FUT9: variants seen among roughly 807,000 people sequenced by gnomAD.
The protein encoded by FUT9 is fucosyltransferase 9, also known as 4-galactosyl-N-acetylglucosaminide 3-alpha-L-fucosyltransferase 9.
A neutral mutation model predicts 29.7 loss-of-function variants in FUT9; 15 were observed. The observed-to-expected ratio is 0.51, with a 90% CI of 0.34 to 0.78. The LOEUF (loss-of-function observed/expected upper bound fraction) is 0.78, where lower values mean the gene tolerates loss of function less well. Ranked by LOEUF, FUT9 falls within the 30% of genes least tolerant of loss-of-function variation. The pLI is 0.01. For synonymous variants in FUT9, 169 were observed against 153.7 expected, an observed-to-expected ratio of 1.10 and a Z score of -0.74; for missense variants, 319 against 425.4, an observed-to-expected ratio of 0.75 and a Z score of 2.20.
intron 1 of FUT9, among the ~76,000 whole-genome samples, chr6:96,031,573 G>A (rs1039369546): frequency 3.3e-5 from 5 of 151,364 alleles, no homozygotes; most frequent in African/African-American, 1.2e-4. Flanking sequence ...CCCACAACTG[G>A]ACAGTAATTA....
intron 2 of FUT9, among the ~76,000 whole-genome samples, chr6:96,201,839 C>T (rs1773730591): frequency 6.6e-6 from 1 of 150,982 alleles, no homozygotes; most frequent in Non-Finnish European, 1.5e-5. Context: ...ATCTAGAATG[C>T]AGTGTCCAAA....
intron 1 of FUT9, among the ~76,000 whole-genome samples, chr6:96,063,049 C>A (rs762022316): frequency 6.6e-6 from 1 of 152,032 alleles, no homozygotes; most frequent in Non-Finnish European, 1.5e-5. Flanking sequence ...TAAACCTCCT[C>A]GTAAATGAAC....
At chr6:96,113,575 G>A (rs952602521) in intron 1 of FUT9, among the ~76,000 whole-genome samples, 5 of 151,720 alleles carry the variant, frequency 3.3e-5, no homozygotes, top group East Asian at 2.0e-4. Context: ...CAGAAATCGG[G>A]CTGGGTGCGG....
In FUT9 at chr6:96,207,505, G is replaced by T. The variant is rs1284277040; in HGVS notation, c.*3270G>T. ...TTCTGGTTTAAATATTTTAGGAGTT[G>T]AGTTCAGCAGAAGGAAATGGGCTAT... is the stretch of plus-strand genomic sequence containing the variant. On this transcript the variant is annotated 3_prime_UTR_variant, in exon 3 of 3. Transcript: ENST00000302103. 1 of 166,950 alleles carries T rather than the reference G, an allele frequency of 6.0e-6. No individual in the cohort carries two copies. Among genetic ancestry groups the T allele is most frequent in the East Asian group, 1.9e-4 (1 of 5,196 alleles). The allele number at this position is 166,950 out of a possible 1,614,324, so 10.3% of individuals were successfully genotyped here. A position where few individuals can be genotyped will look rare whatever the true frequency, so the allele number is the denominator to read the frequency against.
chr6:96,025,236 A>C (rs772935531), intron 1 of FUT9, among the ~76,000 whole-genome samples: 1 of 151,774 alleles, frequency 6.6e-6, no homozygotes, highest in Non-Finnish European at 1.5e-5. Flanking sequence ...ACAGTGCTGC[A>C]GGTCTGAGAC....
intron 1 of FUT9, among the ~76,000 whole-genome samples, chr6:96,087,798 C>A (rs1053734485): frequency 1.3e-5 from 2 of 152,108 alleles, no homozygotes; most frequent in African/African-American, 4.8e-5. Flanking sequence ...AACACTTTTT[C>A]TGCTTTTAAC....
intron 2 of FUT9, among the ~76,000 whole-genome samples, chr6:96,200,819 T>C (rs1262200852): frequency 1.3e-5 from 2 of 152,132 alleles, no homozygotes; most frequent in African/African-American, 4.8e-5. Flanking sequence ...TTCTGGAGTC[T>C]AGATGGAATT....
intron 2 of FUT9, among the ~76,000 whole-genome samples, chr6:96,116,062 T>A (rs1054668858): frequency 2.6e-5 from 4 of 152,168 alleles, no homozygotes; most frequent in Non-Finnish European, 5.9e-5. Context: ...TGATAAAAGA[T>A]TTGTATCCAT....
At position 96,203,741 on chromosome 6, in the gene FUT9, T is replaced by A; in HGVS notation, c.586T>A (p.Trp196Arg). ...ATTGGTGTGCTGGGTTGTGAGTAAC[T>A]GGAACCCTGAGCATGCCAGAGTCAA... ...EKLVCWVVSN[W>R]NPEHARVKYY... Residue 196 changes from tryptophan to arginine, a missense_variant, in exon 3 of 3, where the codon TGG (tryptophan) becomes AGG (arginine). Physicochemically the swap from Trp to Arg is moderately radical, Grantham distance 101. Coordinates refer to ENST00000302103, the MANE Select transcript of FUT9 (RefSeq NM_006581.4). The A allele has an allele frequency of 6.2e-7, 1 of 1,614,070 alleles. No homozygotes were observed. The highest frequency in any genetic ancestry group is 1.1e-5 in the South Asian group (1 of 91,080).
intron 1 of FUT9, among the ~76,000 whole-genome samples, chr6:96,096,954 G>T (rs1045295260): frequency 6.6e-6 from 1 of 152,010 alleles, no homozygotes; most frequent in African/African-American, 2.4e-5. Flanking sequence ...TGGTGTTAGA[G>T]CACCCAGCAC....
chr6:96,142,481 A>G (rs1399585614), intron 2 of FUT9, among the ~76,000 whole-genome samples: 1 of 152,182 alleles, frequency 6.6e-6, no homozygotes, highest in Admixed American at 6.6e-5. Flanking sequence ...AAGATCTATA[A>G]AAGAAGAAAA....
In FUT9 at chr6:96,209,377, A is replaced by G. The variant is rs545365018; in HGVS notation, c.*5142A>G. 1 of 167,054 alleles carries G rather than the reference A, an allele frequency of 6.0e-6. No individual in the cohort carries two copies. Among genetic ancestry groups the G allele is most frequent in the Non-Finnish European group, 1.5e-5 (1 of 68,048 alleles). 10.3% of individuals were successfully genotyped at this position (167,054 alleles called of 1,614,324 possible). On this transcript the variant is annotated 3_prime_UTR_variant, in exon 3 of 3. Transcript: ENST00000302103. ...GAGCTTGGAATATAGAAAGTGCTCA[A>G]TTAACTGACATTCCTCCTGTATTTC...
intron 2 of FUT9, among the ~76,000 whole-genome samples, chr6:96,119,992 G>A (rs1163539450): frequency 6.6e-6 from 1 of 152,098 alleles, no homozygotes; most frequent in Admixed American, 6.6e-5. Context: ...GGTATAGGAG[G>A]CAAATGCAAA....
chr6:96,077,518 G>A (rs1028301355), intron 1 of FUT9, among the ~76,000 whole-genome samples: 13 of 151,736 alleles, frequency 8.6e-5, no homozygotes, highest in Non-Finnish European at 1.3e-4. Context: ...GTAATCTATC[G>A]GCTTCTTCCC....
intron 1 of FUT9, among the ~76,000 whole-genome samples, chr6:96,109,972 C>T (rs748246533): frequency 6.6e-6 from 1 of 152,074 alleles, no homozygotes; most frequent in Non-Finnish European, 1.5e-5. Flanking sequence ...TTTGTTTGAA[C>T]ATGCAGTGCT....
At chr6:96,102,641 T>C (rs1771607353) in intron 1 of FUT9, among the ~76,000 whole-genome samples, 1 of 152,208 alleles carries the variant, frequency 6.6e-6, no homozygotes, top group Admixed American at 6.5e-5. Context: ...GCCTATAACT[T>C]TACTTAAAAT....
intron 1 of FUT9, among the ~76,000 whole-genome samples, chr6:96,016,693 T>C (rs1012642920): frequency 1.3e-5 from 2 of 152,178 alleles, no homozygotes; most frequent in Non-Finnish European, 2.9e-5. Context: ...TGTCCCGTCC[T>C]ATTCCTTCCC....
chr6:96,115,659 T>C (rs890123108), intron 2 of FUT9, among the ~76,000 whole-genome samples: 1 of 152,194 alleles, frequency 6.6e-6, no homozygotes, highest in Non-Finnish European at 1.5e-5. Context: ...GCTGATATAA[T>C]GCTTCGGTTC....
At chr6:96,202,801 T>TAA (rs1327148098) in intron 2 of FUT9, among the ~76,000 whole-genome samples, 3 of 152,268 alleles carry the variant, frequency 2.0e-5, no homozygotes, top group Non-Finnish European at 4.4e-5. Context: ...TACAAAATAC[T>TAA]AAAAATTTTA....
Sources: allele counts gnomAD v4.1 joint callset (sites outside exome capture counted in the v4.1 genomes callset), GRCh38; gene constraint gnomAD v4.1.1; transcripts MANE v1.5; gene names NCBI Gene and HGNC (gene_info 2026-07-23, HGNC 2026-07-21).